Variants in LRRFIP1 observed in about 807,000 individuals in gnomAD.
LRRFIP1 encodes the protein LRR binding FLII interacting protein 1.
LRRFIP1 carries 62 observed loss-of-function variants against 104.4 expected under a neutral mutation model. The ratio of observed to expected loss-of-function variants is 0.59; its 90% confidence interval spans 0.48 to 0.73. The LOEUF is 0.73. Among genes scored for constraint, LRRFIP1 ranks in the 30% least tolerant of loss-of-function variants. The pLI, the probability that LRRFIP1 is intolerant of heterozygous loss-of-function variation, is 0.00. For synonymous variants in LRRFIP1, 300 were observed against 299.0 expected (o/e 1.00, Z -0.03); for missense variants, 796 against 824.5 (o/e 0.97, Z 0.42).
intron 1 of LRRFIP1, among the ~76,000 whole-genome samples, chr2:237,630,072 G>T (rs1222467801): frequency 6.6e-6 from 1 of 152,152 alleles, no homozygotes; most frequent in Non-Finnish European, 1.5e-5. Flanking sequence ...ATGTAACTAG[G>T]CGGTGGGTAA....
intron 1 of LRRFIP1, among the ~76,000 whole-genome samples, chr2:237,659,750 G>A (rs2087516053): frequency 6.6e-6 from 1 of 151,852 alleles, no homozygotes; most frequent in African/African-American, 2.4e-5. Context: ...AAGGGGTCCA[G>A]CCACCTCAGC....
At chr2:237,658,926 TAA>T (rs34632616) in intron 1 of LRRFIP1, among the ~76,000 whole-genome samples, 11,737 of 152,172 alleles carry the variant, frequency 0.077, 551 homozygotes, top group East Asian at 0.19. Flanking sequence ...GAAAATATTA[TAA>T]GTCTGTAATT....
At chr2:237,632,025 A>T (rs1251803648) in intron 1 of LRRFIP1, among the ~76,000 whole-genome samples, 1 of 152,224 alleles carries the variant, frequency 6.6e-6, no homozygotes, top group Non-Finnish European at 1.5e-5. Flanking sequence ...ACCGGCCCCA[A>T]GTTGACTCGT....
rs890713955 is a variant in LRRFIP1 at position 237,753,210 on chromosome 2, T to G, written c.868-99T>G. The G allele has an allele frequency of 8.3e-6, 7 of 839,944 alleles. No individual in the cohort carries two copies. The Admixed American group carries it at 2.4e-4, about 28-fold the overall frequency. The allele number at this position is 839,944 out of a possible 1,614,324, so 52.0% of individuals were successfully genotyped here. A position where few individuals can be genotyped will look rare whatever the true frequency, so the allele number is the denominator to read the frequency against. On this transcript the variant is annotated intron_variant, in intron 14 of 23. Coordinates refer to ENST00000308482, the MANE Select transcript of LRRFIP1 (RefSeq NM_001137550.2). ...TCCATTTGCTCTAAGAAATATAGTCTAAGTTTAGGACTGAGGGTTTTTTTT... is the reference window on the plus strand; with the variant it reads ...TCCATTTGCTCTAAGAAATATAGTCGAAGTTTAGGACTGAGGGTTTTTTTT...
chr2:237,739,337 A>C, intron 11 of LRRFIP1, 28 bp downstream of exon 11: 2 of 1,535,888 alleles, frequency 1.3e-6, no homozygotes, highest in Non-Finnish European at 1.8e-6. Flanking sequence ...CCTTGCTCCT[A>C]CTCAGTGTCA....
At chr2:237,729,946 CTGTT>C (rs1360160659) in intron 8 of LRRFIP1, 7 of 476,122 alleles carry the variant, frequency 1.5e-5, no homozygotes, top group Non-Finnish European at 1.6e-5. Flanking sequence ...CTTTCGGTGT[CTGTT>C]TGACGGATTT....
intron 7 of LRRFIP1, among the ~76,000 whole-genome samples, chr2:237,726,032 C>A (rs1559687998): frequency 6.6e-6 from 1 of 152,142 alleles, no homozygotes; most frequent in South Asian, 2.1e-4. Flanking sequence ...GAAGACATAA[C>A]AAGGGATTGA....
At position 237,760,040 on chromosome 2, in the gene LRRFIP1, C is replaced by T. The variant is rs189925447; in HGVS notation, c.1318-24C>T. The T allele has an allele frequency of 2.9e-5, 46 of 1,607,496 alleles. No homozygotes were observed. The East Asian group carries it at 5.8e-4, about 20-fold the overall frequency. On this transcript the variant is annotated intron_variant, in intron 18 of 23. Coordinates refer to ENST00000308482, the MANE Select transcript of LRRFIP1 (RefSeq NM_001137550.2). ...ACCTAATATCACTGAGTAAATATTA[C>T]GATGAGCCTATTTTTGTTCCCAGAA... is the stretch of plus-strand genomic sequence containing the variant.
At chr2:237,681,765 C>T (rs1054707037) in intron 1 of LRRFIP1, among the ~76,000 whole-genome samples, 1 of 134,546 alleles carries the variant, frequency 7.4e-6, no homozygotes, top group Non-Finnish European at 1.6e-5. Flanking sequence ...CTGCAAGCTC[C>T]GCCTCCCGGG....
In LRRFIP1 at chr2:237,649,136, G is replaced by T. The variant is rs62183618; in HGVS notation, c.96+21396G>T. Among the ~76,000 whole-genome samples, 2 of 151,604 alleles carry T rather than the reference G, an allele frequency of 1.3e-5. No individual in the cohort carries two copies. Among genetic ancestry groups the T allele is most frequent in the Non-Finnish European group, 2.9e-5 (2 of 67,798 alleles). Reference sequence around the variant, plus strand: ...GTGCTGGGCCATGGTTTGGAAGCTCGCATGGTCCCAGCCTCAGAGCCCCGT... The same window carrying T: ...GTGCTGGGCCATGGTTTGGAAGCTCTCATGGTCCCAGCCTCAGAGCCCCGT... On this transcript the variant is annotated intron_variant, in intron 1 of 23. Coordinates refer to ENST00000308482, the MANE Select transcript of LRRFIP1 (RefSeq NM_001137550.2). This position sits in a 1 kb window ranked among gnomAD's most constrained non-coding sequence, Gnocchi z 4.1.
intron 1 of LRRFIP1, among the ~76,000 whole-genome samples, chr2:237,666,785 T>TTCTTTCTCTTTCTTTC (rs2089384758): frequency 3.5e-5 from 2 of 57,032 alleles, no homozygotes; most frequent in Non-Finnish European, 4.0e-5. Flanking sequence ...CTCTGTCTCT[T>TTCTTTCTCTTTCTTTC]TCTTTCTCTT....
At position 237,692,599 on chromosome 2, in the gene LRRFIP1, A is replaced by C. The variant is rs775119363; in HGVS notation, c.97-15945A>C. On this transcript the variant is annotated intron_variant, in intron 1 of 23. Transcript: ENST00000308482. ...GGGGCTTCCAGCTCGTTCCGAGGTCAATGGCAGGCGCAGGTGCCCGGGAGG... is the reference window on the plus strand; with the variant it reads ...GGGGCTTCCAGCTCGTTCCGAGGTCCATGGCAGGCGCAGGTGCCCGGGAGG... 1.7e-5 allele frequency: 24 copies of C among 1,394,072 alleles called. No individual in the cohort carries two copies. In the African/African-American group the frequency reaches 3.6e-4, roughly 21 times the overall value. 86.4% of individuals were successfully genotyped at this position (1,394,072 alleles called of 1,614,324 possible).
chr2:237,773,328 G>A (rs751707812), intron 22 of LRRFIP1, among the ~76,000 whole-genome samples: 16 of 152,076 alleles, frequency 1.1e-4, no homozygotes, highest in Non-Finnish European at 1.9e-4. Context: ...ACTGAAGGTC[G>A]AGAGTTCGAG....
chr2:237,757,688 A>G, intron 17 of LRRFIP1, 140 bp downstream of exon 17: 1 of 672,134 alleles, frequency 1.5e-6, no homozygotes, highest in Non-Finnish European at 2.7e-6. Context: ...GTATTAATTT[A>G]TTTAATTTTA....
intron 1 of LRRFIP1, among the ~76,000 whole-genome samples, chr2:237,702,479 C>T (rs1469861541): frequency 3.3e-5 from 5 of 152,120 alleles, no homozygotes; most frequent in Admixed American, 2.6e-4. Flanking sequence ...TCCTGAGAAG[C>T]CAGGGAGCCT....
chr2:237,729,697 C>T (rs1033340639), intron 8 of LRRFIP1: 101 of 583,074 alleles, frequency 1.7e-4, no homozygotes, highest in Non-Finnish European at 2.1e-4. Context: ...GTTCCATGTT[C>T]GCCTTTTGAA....
intron 1 of LRRFIP1, among the ~76,000 whole-genome samples, chr2:237,667,785 T>C (rs562961263): frequency 6.6e-6 from 1 of 152,054 alleles, no homozygotes; most frequent in East Asian, 1.9e-4. Context: ...CAGGGTGGAG[T>C]GGCAGTTGTG....
intron 10 of LRRFIP1, among the ~76,000 whole-genome samples, chr2:237,736,979 C>T (rs1003818226): frequency 2.6e-5 from 4 of 152,080 alleles, no homozygotes; most frequent in Admixed American, 6.5e-5. Flanking sequence ...TGGCCCAGGA[C>T]GGTGTCCAGA....
chr2:237,769,863 G>T, intron 19 of LRRFIP1, 80 bp from the exon 20 acceptor site: 1 of 1,017,386 alleles, frequency 9.8e-7, no homozygotes, highest in South Asian at 1.4e-5. Context: ...TAACCTGAAC[G>T]ATCATTCTTC....
Sources: allele counts gnomAD v4.1 joint callset (sites outside exome capture counted in the v4.1 genomes callset), GRCh38; gene constraint gnomAD v4.1.1; non-coding constraint Gnocchi (gnomAD v3.1); transcripts MANE v1.5; gene names NCBI Gene and HGNC (gene_info 2026-07-23, HGNC 2026-07-21).